ASCC3: variants seen among roughly 807,000 people sequenced by gnomAD.
ASCC3 encodes the protein activating signal cointegrator 1 complex subunit 3, also known as ASC-1 complex subunit P200.
Under a neutral mutation model 256.3 loss-of-function variants are expected in ASCC3, and 158 were observed. That is an observed-to-expected ratio of 0.62 (90% CI 0.54 to 0.70). ASCC3 has a LOEUF of 0.70. ASCC3 is among the 30% of genes least tolerant of loss of function. ASCC3 has a pLI of 0.00. For missense variants in ASCC3, 2,259 were observed against 2,626.0 expected, an observed-to-expected ratio of 0.86 and a Z score of 3.05; for synonymous variants, 948 against 883.4, an observed-to-expected ratio of 1.07 and a Z score of -1.30.
chr6:100,877,134 C>A (rs1025184905), intron 1 of ASCC3, among the ~76,000 whole-genome samples: 21 of 151,860 alleles, frequency 1.4e-4, no homozygotes, highest in Non-Finnish European at 2.9e-4. Flanking sequence ...TGTATTTTTT[C>A]GTTATAAAAA....
rs116495922 is a variant in ASCC3, at chr6:100,623,515, G to A, written c.4785+1677C>T. 7.2e-3 allele frequency among the ~76,000 whole-genome samples: 1,093 copies of A among 152,266 alleles called. 11 individuals carry two copies. Among genetic ancestry groups the A allele is most frequent in the African/African-American group, 0.024 (1,018 of 41,566 alleles). ...AAATGAGTCATGAGAAGTAGAAGGG[G>A]AGAAATATGCAAACTGTTAATCCTG... On this transcript the variant is annotated intron_variant, in intron 30 of 41. Transcript: ENST00000369162.
chr6:100,583,996 T>C (rs1161080641), intron 36 of ASCC3, among the ~76,000 whole-genome samples: 1 of 152,188 alleles, frequency 6.6e-6, no homozygotes, highest in African/African-American at 2.4e-5. Context: ...TGAGGAGAGC[T>C]CTACTTCCAA....
At chr6:100,627,539 T>G (rs758840405) in intron 29 of ASCC3, 51 bp downstream of exon 29, 2 of 1,608,250 alleles carry the variant, frequency 1.2e-6, no homozygotes, top group East Asian at 2.2e-5. Flanking sequence ...AGATATTTGA[T>G]AGCTACCATA....
At chr6:100,601,979 C>A in intron 33 of ASCC3, 44 bp from the exon 34 acceptor site, 2 of 1,597,360 alleles carry the variant, frequency 1.3e-6, no homozygotes, top group Non-Finnish European at 1.7e-6. Flanking sequence ...GAGCATTAAA[C>A]TAAAAACACT....
intron 13 of ASCC3, among the ~76,000 whole-genome samples, chr6:100,711,738 C>T (rs1053251367): frequency 6.6e-6 from 1 of 151,696 alleles, no homozygotes; most frequent in African/African-American, 2.4e-5. Context: ...CTCAAAAAAA[C>T]AAAAAACAAA....
intron 30 of ASCC3, among the ~76,000 whole-genome samples, chr6:100,619,275 T>C (rs1212023497): frequency 6.6e-6 from 1 of 152,182 alleles, no homozygotes; most frequent in African/African-American, 2.4e-5. Context: ...ATTAACAGTT[T>C]ACTTGGAAAC....
intron 30 of ASCC3, among the ~76,000 whole-genome samples, chr6:100,614,136 T>C (rs1773543269): frequency 1.3e-5 from 2 of 152,178 alleles, no homozygotes; most frequent in African/African-American, 4.8e-5. Flanking sequence ...ATTATAACTT[T>C]TATCTTTATT....
chr6:100,880,764 T>C (rs567186739), intron 1 of ASCC3, among the ~76,000 whole-genome samples: 6 of 152,334 alleles, frequency 3.9e-5, no homozygotes, highest in Admixed American at 2.0e-4. Flanking sequence ...TACCCATGCA[T>C]GGGACAGAAA....
At chr6:100,805,529 T>C (rs1427900332) in intron 5 of ASCC3, among the ~76,000 whole-genome samples, 2 of 152,110 alleles carry the variant, frequency 1.3e-5, no homozygotes, top group Non-Finnish European at 2.9e-5. Context: ...AAGTTGTGTA[T>C]TCTAAGTAGT....
rs1451047612 is a variant in ASCC3 at position 100,661,831 on chromosome 6, C to A, written c.2678G>T (p.Ser893Ile). The part of the protein sequence containing the change: ...RNPIESQFLE[S>I]LADNLNAEIA... ...CTCTGCATTTAGGTTATCTGCAAGG[C>A]TTTCCAGAAACTGACTCTCAATTGG... is the stretch of plus-strand genomic sequence containing the variant. The change falls in exon 16 of 42, where the codon AGC (serine) becomes ATC (isoleucine). Residue 893 changes from serine to isoleucine, a missense_variant. Around this residue, in one of 2 missense-constraint regions of ASCC3, gnomAD observed 1,839 missense variants for 2,206.7 expected, o/e 0.83. Transcript: ENST00000369162. 1.2e-6 allele frequency: 2 copies of A among 1,613,158 alleles called. No homozygotes were observed. The highest frequency in any genetic ancestry group is 1.7e-6 in the Non-Finnish European group (2 of 1,179,320).
intron 14 of ASCC3, among the ~76,000 whole-genome samples, chr6:100,673,795 A>G (rs1378761464): frequency 6.6e-6 from 1 of 152,144 alleles, no homozygotes; most frequent in African/African-American, 2.4e-5. Context: ...ATAAAGTCTA[A>G]AAGCCTAGGC....
chr6:100,663,126 T>TA (rs1776305775), intron 14 of ASCC3, among the ~76,000 whole-genome samples: 1 of 152,072 alleles, frequency 6.6e-6, no homozygotes, highest in Admixed American at 6.6e-5. Flanking sequence ...GATAAGTCAA[T>TA]AAACCCAGCT....
At chr6:100,575,294 A>C (rs977463523) in intron 36 of ASCC3, among the ~76,000 whole-genome samples, 3 of 151,984 alleles carry the variant, frequency 2.0e-5, no homozygotes, top group African/African-American at 7.2e-5. Flanking sequence ...TTTCTCCCTT[A>C]TAAAAACAAA....
intron 13 of ASCC3, among the ~76,000 whole-genome samples, chr6:100,694,644 G>A (rs778840459): frequency 1.3e-5 from 2 of 152,114 alleles, no homozygotes; most frequent in Non-Finnish European, 2.9e-5. Context: ...GTGCAAAATG[G>A]TAAAAACCAG....
At chr6:100,815,211 A>C (rs1770681560) in intron 4 of ASCC3, among the ~76,000 whole-genome samples, 1 of 152,152 alleles carries the variant, frequency 6.6e-6, no homozygotes, top group South Asian at 2.1e-4. Context: ...CTAATGAGGG[A>C]GGTAACAGAT....
At chr6:100,817,185 C>A (rs571078028) in intron 4 of ASCC3, among the ~76,000 whole-genome samples, 8 of 151,472 alleles carry the variant, frequency 5.3e-5, no homozygotes, top group Non-Finnish European at 1.2e-4. Context: ...AATCAGTAAC[C>A]AAAAACATTG....
intron 4 of ASCC3, among the ~76,000 whole-genome samples, chr6:100,845,546 A>T (rs1023541560): frequency 6.6e-6 from 1 of 152,132 alleles, no homozygotes; most frequent in African/African-American, 2.4e-5. Flanking sequence ...TTAATCCAGC[A>T]CTGCCTATCT....
chr6:100,736,072 T>A (rs1780143715), intron 10 of ASCC3, among the ~76,000 whole-genome samples: 1 of 152,232 alleles, frequency 6.6e-6, no homozygotes, highest in African/African-American at 2.4e-5. Flanking sequence ...GGAAGTGGTC[T>A]GACACATGGA....
intron 4 of ASCC3, among the ~76,000 whole-genome samples, chr6:100,826,781 T>C (rs1281372902): frequency 3.9e-5 from 6 of 152,156 alleles, no homozygotes; most frequent in Non-Finnish European, 8.8e-5. Flanking sequence ...TGAACCAAAA[T>C]TCAGAGTAAG....
Sources: gnomAD v4.1 joint callset for allele counts (sites outside exome capture counted in the v4.1 genomes callset) on GRCh38, gnomAD v4.1.1 for gene constraint, gnomAD v4.1.1 regional missense constraint, MANE v1.5 for transcripts, NCBI Gene and HGNC (gene_info 2026-07-23, HGNC 2026-07-21) for gene names.